PCDHGB2: variants seen among roughly 807,000 people sequenced by gnomAD.
PCDHGB2 encodes protocadherin gamma-B2.
In PCDHGB2, 55 loss-of-function variants were observed where a neutral mutation model predicts 59.3. The observed-to-expected ratio is 0.93, with a 90% CI of 0.75 to 1.16. The LOEUF is 1.16. Among genes scored for constraint, PCDHGB2 ranks in the 50% most tolerant of loss-of-function variants. PCDHGB2 has a pLI of 0.00. For synonymous variants in PCDHGB2, 516 were observed against 512.0 expected (o/e 1.01, Z -0.11); for missense variants, 1,228 against 1,198.5 (o/e 1.02, Z -0.36).
At chr5:141,443,853 A>G (rs929370798) in intron 1 of PCDHGB2, among the ~76,000 whole-genome samples, 3 of 152,230 alleles carry the variant, frequency 2.0e-5, no homozygotes, top group African/African-American at 7.2e-5. Flanking sequence ...GGAAAGTCTG[A>G]AAACTGAAAA....
At chr5:141,438,290 A>G (rs1043285243) in intron 1 of PCDHGB2, among the ~76,000 whole-genome samples, 5 of 152,074 alleles carry the variant, frequency 3.3e-5, no homozygotes, top group East Asian at 3.9e-4. Flanking sequence ...TTTAATCTGT[A>G]TGTAAAAGAA....
intron 1 of PCDHGB2, chr5:141,376,110 G>A (rs772810239): frequency 3.7e-6 from 6 of 1,613,762 alleles, no homozygotes; most frequent in Non-Finnish European, 4.2e-6. Flanking sequence ...GCCGACCTGG[G>A]CAGCCTCGAG....
In PCDHGB2 at chr5:141,476,966, G is replaced by C. The variant is rs780645226; in HGVS notation, c.2422-17841G>C. The C allele has an allele frequency of 1.2e-6, 2 of 1,614,152 alleles. No homozygotes were observed. Among genetic ancestry groups the C allele is most frequent in the Non-Finnish European group, 1.7e-6 (2 of 1,180,032 alleles). On this transcript the variant is annotated intron_variant, in intron 1 of 3. Coordinates refer to ENST00000522605, the MANE Select transcript of PCDHGB2 (RefSeq NM_018923.3). This position sits in a 1 kb window ranked among gnomAD's most constrained non-coding sequence, Gnocchi z 7.6. ...CAACGGTGAAATTATTTACTCCTTCGGCAGCCACAACCGCGCCGGCGTGCG... is the reference window on the plus strand; with the variant it reads ...CAACGGTGAAATTATTTACTCCTTCCGCAGCCACAACCGCGCCGGCGTGCG...
chr5:141,430,924 G>A (rs1217400258), intron 1 of PCDHGB2: 1 of 1,607,462 alleles, frequency 6.2e-7, no homozygotes, highest in Admixed American at 1.7e-5. Context: ...TGGGGCTGGA[G>A]CCCCGGGAGC....
chr5:141,381,775 C>T (rs1162791919), intron 1 of PCDHGB2, among the ~76,000 whole-genome samples: 1 of 150,644 alleles, frequency 6.6e-6, no homozygotes, highest in East Asian at 1.9e-4. Flanking sequence ...AATCAATAAT[C>T]AGGAACAAGG....
chr5:141,395,559 T>TA (rs2093276349), intron 1 of PCDHGB2: 2 of 220,962 alleles, frequency 9.1e-6, no homozygotes, highest in Admixed American at 1.1e-4. Flanking sequence ...TGTGTGTGTG[T>TA]GTGTGTGTGT....
At chr5:141,434,875 A>G (rs2097725018) in intron 1 of PCDHGB2, among the ~76,000 whole-genome samples, 1 of 151,990 alleles carries the variant, frequency 6.6e-6, no homozygotes, top group African/African-American at 2.4e-5. Flanking sequence ...TGTGACAGAT[A>G]CCAACAACAA....
chr5:141,421,541 T>A (rs1235004908), intron 1 of PCDHGB2: 9 of 1,613,912 alleles, frequency 5.6e-6, no homozygotes, highest in African/African-American at 1.3e-5. Flanking sequence ...TCCTGTTTTT[T>A]AAATATGGAA....
chr5:141,417,556 A>G, intron 1 of PCDHGB2: 1 of 333,096 alleles, frequency 3.0e-6, no homozygotes, highest in Non-Finnish European at 5.4e-6. Flanking sequence ...TGAAAGAGGT[A>G]GAGAAAAGTC....
intron 1 of PCDHGB2, chr5:141,414,344 T>C: frequency 6.2e-7 from 1 of 1,613,882 alleles, no homozygotes; most frequent in Non-Finnish European, 8.5e-7. Flanking sequence ...ACCTGTTCCA[T>C]TTTGGCGTAT....
chr5:141,454,351 C>T (rs1406631649), intron 1 of PCDHGB2, among the ~76,000 whole-genome samples: 2 of 152,152 alleles, frequency 1.3e-5, no homozygotes, highest in Non-Finnish European at 2.9e-5. Flanking sequence ...GAAGTTGATC[C>T]AAACTTAGAA....
intron 1 of PCDHGB2, chr5:141,393,423 G>A: frequency 1.2e-6 from 2 of 1,614,040 alleles, no homozygotes; most frequent in South Asian, 2.2e-5. Flanking sequence ...GGACAGGGAG[G>A]AAGAGGCTGC....
In PCDHGB2 at chr5:141,487,930, G is replaced by T; in HGVS notation, c.2422-6877G>T. On this transcript the variant is annotated intron_variant, in intron 1 of 3. Coordinates refer to ENST00000522605, the MANE Select transcript of PCDHGB2 (RefSeq NM_018923.3). This position sits in a 1 kb window ranked among gnomAD's most constrained non-coding sequence, Gnocchi z 5.0. Reference sequence around the variant, plus strand: ...GAGCACAGGAGGCTACAGTGCACAGGGTACAGTGCACCAGGCAGTCACTTG... The same window carrying T: ...GAGCACAGGAGGCTACAGTGCACAGTGTACAGTGCACCAGGCAGTCACTTG... 2 of 613,220 alleles carry T rather than the reference G, an allele frequency of 3.3e-6. No homozygotes were observed. Among genetic ancestry groups the T allele is most frequent in the African/African-American group, 1.8e-5 (1 of 54,186 alleles). 38.0% of individuals were successfully genotyped at this position (613,220 alleles called of 1,614,324 possible).
At chr5:141,410,394 T>C in intron 1 of PCDHGB2, 1 of 1,614,054 alleles carries the variant, frequency 6.2e-7, no homozygotes, top group Non-Finnish European at 8.5e-7. Context: ...CATCCTGGTC[T>C]CTGTGTCAAG....
rs537755017 is a variant in PCDHGB2 at position 141,491,797 on chromosome 5, G to A, written c.2422-3010G>A. 16 of 1,506,818 alleles carry A rather than the reference G, an allele frequency of 1.1e-5. No individual in the cohort carries two copies. In the Admixed American group the frequency reaches 2.2e-4, roughly 20 times the overall value. The allele number at this position is 1,506,818 out of a possible 1,614,324, so 93.3% of individuals were successfully genotyped here. A position where few individuals can be genotyped will look rare whatever the true frequency, so the allele number is the denominator to read the frequency against. ...ATTGAACTTGCATCCACTCCTCTCC[G>A]GCCGGCTTGGTCGCTGGCTGCGCTC... On this transcript the variant is annotated intron_variant, in intron 1 of 3. Transcript: ENST00000522605. The surrounding 1 kb of genome is among the most constrained non-coding windows in gnomAD (Gnocchi z 6.9).
chr5:141,436,842 T>G (rs986680968), intron 1 of PCDHGB2, among the ~76,000 whole-genome samples: 3 of 152,376 alleles, frequency 2.0e-5, no homozygotes, highest in African/African-American at 7.2e-5. Flanking sequence ...CCTAGGCACA[T>G]TCTTGATTGA....
intron 1 of PCDHGB2, 115 bp from the exon 2 acceptor site, chr5:141,494,692 C>G: frequency 6.3e-7 from 1 of 1,581,934 alleles, no homozygotes; most frequent in South Asian, 1.1e-5. Context: ...CCTCTTAGTC[C>G]GTTTTCTTCT....
chr5:141,429,374 TG>T (rs2097206438), intron 1 of PCDHGB2, among the ~76,000 whole-genome samples: 1 of 145,410 alleles, frequency 6.9e-6, no homozygotes, highest in South Asian at 2.2e-4. Context: ...ATGGAGAAAA[TG>T]TGTTTTTTTT....
Position 141,432,097 on chromosome 5 carries a change from C to G in PCDHGB2, c.2422-62710C>G. ...TCTCGCTGAACGTGGCAGACACCAA[C>G]GACAACCCGCCGGTCTTCCCTCAGG... On this transcript the variant is annotated intron_variant, in intron 1 of 3. Transcript: ENST00000522605. This position sits in a 1 kb window ranked among gnomAD's most constrained non-coding sequence, Gnocchi z 6.0. The G allele has an allele frequency of 6.2e-7, 1 of 1,614,184 alleles. No homozygotes were observed.
Sources: allele counts gnomAD v4.1 joint callset (sites outside exome capture counted in the v4.1 genomes callset), GRCh38; gene constraint gnomAD v4.1.1; non-coding constraint Gnocchi (gnomAD v3.1); transcripts MANE v1.5; gene names NCBI Gene and HGNC (gene_info 2026-07-23, HGNC 2026-07-21).